The following MAPK8IP1 variants were observed in gnomAD, a reference collection of about 807,000 sequenced individuals.
MAPK8IP1 encodes the protein mitogen-activated protein kinase 8 interacting protein 1.
A neutral mutation model predicts 72.6 loss-of-function variants in MAPK8IP1; 17 were observed. The ratio of observed to expected loss-of-function variants is 0.23; its 90% confidence interval spans 0.16 to 0.35. The LOEUF is 0.35. Among genes scored for constraint, MAPK8IP1 ranks in the 10% least tolerant of loss-of-function variants. MAPK8IP1 has a pLI of 1.00. For synonymous variants in MAPK8IP1, 401 were observed against 443.4 expected, an observed-to-expected ratio of 0.90 and a Z score of 1.20; for missense variants, 789 against 1,009.7, an observed-to-expected ratio of 0.78 and a Z score of 2.96.
intron 3 of MAPK8IP1, among the ~76,000 whole-genome samples, chr11:45,901,249 G>A (rs1195974196): frequency 6.6e-6 from 1 of 152,084 alleles, no homozygotes; most frequent in Non-Finnish European, 1.5e-5. Context: ...AGGGGAGGGA[G>A]CCTCCGTGGA....
At position 45,904,860 on chromosome 11, in the gene MAPK8IP1, C is replaced by T. The variant is rs765758063; in HGVS notation, c.1893+26C>T. 1.9e-6 allele frequency: 3 copies of T among 1,611,242 alleles called. No homozygotes were observed. The South Asian group carries it at 3.3e-5, about 18-fold the overall frequency. ...GTGACTTCTTCCAACCCAGCCCCTTCCTTCCATGGCCCCAAGCTCTCCCCC... is the reference window on the plus strand; with the variant it reads ...GTGACTTCTTCCAACCCAGCCCCTTTCTTCCATGGCCCCAAGCTCTCCCCC... On this transcript the variant is annotated intron_variant, in intron 9 of 11. Coordinates refer to ENST00000241014, the MANE Select transcript of MAPK8IP1 (RefSeq NM_005456.4). This position sits in a 1 kb window ranked among gnomAD's most constrained non-coding sequence, Gnocchi z 6.4.
At chr11:45,894,471 A>G (rs1167422626) in intron 1 of MAPK8IP1, among the ~76,000 whole-genome samples, 1 of 151,752 alleles carries the variant, frequency 6.6e-6, no homozygotes. Context: ...GCCCAATTAA[A>G]GCCCAGTGCC....
intron 11 of MAPK8IP1, 39 bp downstream of exon 11, chr11:45,905,288 C>A: frequency 6.4e-7 from 1 of 1,564,230 alleles, no homozygotes; most frequent in Non-Finnish European, 8.8e-7. Context: ...CCCGAGGGAG[C>A]ACGCCCAATC....
In MAPK8IP1 at chr11:45,885,846, TG is replaced by T. The variant is rs1260253710; in HGVS notation, c.29del (p.Gly10GlufsTer87). 6 of 1,445,974 alleles carry T rather than the reference TG, an allele frequency of 4.1e-6. No individual in the cohort carries two copies. Among genetic ancestry groups the T allele is most frequent in the African/African-American group, 1.5e-5 (1 of 67,780 alleles). The allele number at this position is 1,445,974 out of a possible 1,614,324, so 89.6% of individuals were successfully genotyped here. A position where few individuals can be genotyped will look rare whatever the true frequency, so the allele number is the denominator to read the frequency against. On this transcript the variant is annotated frameshift_variant, in exon 1 of 12. Transcript: ENST00000241014. LOFTEE classifies it high-confidence loss of function. The stretch of plus-strand genomic sequence containing the variant: ...ATGGCGGAGCGAGAAAGCGGCGGCC[TG>T]GGAGGGGGGGCCGCGTCCCCGCCCG... MAERESGG[L>X]GGGAASPPAA... is the part of the protein sequence containing the mutation.
chr11:45,885,691 A>C lies in MAPK8IP1; in HGVS notation c.-130A>C. On this transcript the variant is annotated 5_prime_UTR_variant, in exon 1 of 12. Transcript: ENST00000241014. ...GCGCGGTGCTGTGCCGCGCCCTGCC[A>C]GACACAGGTGCGCCCGCCTAGCCCG... 2.4e-6 allele frequency: 1 copy of C among 417,004 alleles called. No homozygotes were observed. The allele number at this position is 417,004 out of a possible 1,614,324, so 25.8% of individuals were successfully genotyped here.
intron 2 of MAPK8IP1, among the ~76,000 whole-genome samples, chr11:45,899,628 G>A (rs567234275): frequency 1.0e-3 from 157 of 152,278 alleles, no homozygotes; most frequent in Middle Eastern, 0.01. Flanking sequence ...TTGGTTCCTG[G>A]CCCCCGCTCG....
At chr11:45,886,012 G>T in intron 1 of MAPK8IP1, 91 bp downstream of exon 1, 1 of 792,372 alleles carries the variant, frequency 1.3e-6, no homozygotes, top group Non-Finnish European at 1.8e-6. Context: ...AGAACCTCGG[G>T]AACCCGGGAA....
Position 45,905,804 on chromosome 11 carries a change from G to A in MAPK8IP1, c.*83G>A, listed in dbSNP as rs2086703831. On this transcript the variant is annotated 3_prime_UTR_variant, in exon 12 of 12. Coordinates refer to ENST00000241014, the MANE Select transcript of MAPK8IP1 (RefSeq NM_005456.4). ...CTGCTGACAGGATGTGGCACTGCTT[G>A]AGGAGGGGCACCTGCCACCGCCAGA... 4 of 1,360,740 alleles carry A rather than the reference G, an allele frequency of 2.9e-6. No homozygotes were observed. Among genetic ancestry groups the A allele is most frequent in the South Asian group, 1.2e-5 (1 of 86,190 alleles). The allele number at this position is 1,360,740 out of a possible 1,614,324, so 84.3% of individuals were successfully genotyped here.
intron 1 of MAPK8IP1, among the ~76,000 whole-genome samples, chr11:45,893,131 G>A (rs1590783151): frequency 6.6e-6 from 1 of 152,310 alleles, no homozygotes; most frequent in Non-Finnish European, 1.5e-5. Flanking sequence ...AATGACATCT[G>A]AACAGCCAAT....
intron 1 of MAPK8IP1, among the ~76,000 whole-genome samples, chr11:45,889,963 C>A (rs1408165248): frequency 6.6e-6 from 1 of 152,232 alleles, no homozygotes; most frequent in African/African-American, 2.4e-5. Context: ...GACAGACAGA[C>A]AGACGGCTTT....
intron 1 of MAPK8IP1, among the ~76,000 whole-genome samples, chr11:45,895,643 T>A (rs746112474): frequency 0.59 from 77,378 of 130,598 alleles, 27,430 homozygotes; most frequent in Non-Finnish European, 0.78. Flanking sequence ...AATATATATA[T>A]ATATATATAT....
chr11:45,905,668 T>A lies in MAPK8IP1; in HGVS notation c.2083T>A (p.Tyr695Asn), dbSNP rs1461597841. The A allele has an allele frequency of 1.9e-6, 3 of 1,613,816 alleles. No individual in the cohort carries two copies. The highest frequency in any genetic ancestry group is 2.5e-6 in the Non-Finnish European group (3 of 1,179,828). The change falls in exon 12 of 12, where the codon TAC becomes AAC. Residue 695 changes from tyrosine (Y) to asparagine (N), a missense_variant. Coordinates refer to ENST00000241014, the MANE Select transcript of MAPK8IP1 (RefSeq NM_005456.4). ...TTCTAGGAGAGCATTCCAGCAGTTC[T>A]ACAAGCAGTTTGTGGAGTACACCTG... is the stretch of plus-strand genomic sequence containing the variant. Reference protein sequence around the residue: ...ESVGRAFQQFYKQFVEYTCPT... With the variant: ...ESVGRAFQQFNKQFVEYTCPT...
chr11:45,892,548 A>T (rs1414454702), intron 1 of MAPK8IP1, among the ~76,000 whole-genome samples: 1 of 152,010 alleles, frequency 6.6e-6, no homozygotes, highest in African/African-American at 2.4e-5. Context: ...GCCAGGAGGG[A>T]CTCCGAGAGC....
intron 1 of MAPK8IP1, among the ~76,000 whole-genome samples, chr11:45,887,706 G>A (rs977764494): frequency 5.3e-5 from 8 of 152,134 alleles, no homozygotes; most frequent in Admixed American, 2.0e-4. Context: ...CCAGCTCTGC[G>A]GCATGTGGGA....
rs1054683411 is a variant in MAPK8IP1 at position 45,904,210 on chromosome 11, C to A, written c.1666+49C>A. The A allele has an allele frequency of 5.7e-6, 9 of 1,584,364 alleles. No individual in the cohort carries two copies. Among genetic ancestry groups the A allele is most frequent in the Admixed American group, 1.8e-5 (1 of 56,918 alleles). ...GCCCCCAGCCACCACATCTGTCTGC[C>A]CCAACTTGCTGCTAGGTGAACGTGT... On this transcript the variant is annotated intron_variant, in intron 7 of 11. Coordinates refer to ENST00000241014, the MANE Select transcript of MAPK8IP1 (RefSeq NM_005456.4). The surrounding 1 kb of genome is among the most constrained non-coding windows in gnomAD (Gnocchi z 6.4).
Position 45,885,817 on chromosome 11 carries a change from G to A in MAPK8IP1, c.-4G>A, listed in dbSNP as rs1334501678. Reference sequence around the variant, plus strand: ...CGCCCGGATGGCCAGGGCTGTGCCCGAGAATGGCGGAGCGAGAAAGCGGCG... The same window carrying A: ...CGCCCGGATGGCCAGGGCTGTGCCCAAGAATGGCGGAGCGAGAAAGCGGCG... On this transcript the variant is annotated 5_prime_UTR_variant, in exon 1 of 12. Transcript: ENST00000241014. 6.3e-6 allele frequency: 9 copies of A among 1,420,990 alleles called. No homozygotes were observed. The South Asian group carries it at 8.7e-5, about 14-fold the overall frequency. The allele number at this position is 1,420,990 out of a possible 1,614,324, so 88.0% of individuals were successfully genotyped here.
intron 2 of MAPK8IP1, among the ~76,000 whole-genome samples, chr11:45,899,862 CGGCCGTTGCCA>C (rs1337781687): frequency 6.6e-6 from 1 of 152,194 alleles, no homozygotes; most frequent in Non-Finnish European, 1.5e-5. Context: ...GTGAGGTCAC[CGGCCGTTGCCA>C]GGGGAACGGG....
At position 45,900,182 on chromosome 11, in the gene MAPK8IP1, G is replaced by T. The variant is rs947187434; in HGVS notation, c.252G>T (p.Gly84=). The change falls in exon 3 of 12, where the codon GGG becomes GGT. Residue 84 remains glycine (G), a synonymous_variant. Transcript: ENST00000241014. The surrounding 1 kb of genome is among the most constrained non-coding windows in gnomAD (Gnocchi z 6.5). ...GLLSAGGGGA[G]SRLQAEMLQM... Reference sequence around the variant, plus strand: ...TCTCTGCGGGCGGCGGCGGCGCGGGGAGCCGGTTGCAGGCCGAGATGCTGC... The same window carrying T: ...TCTCTGCGGGCGGCGGCGGCGCGGGTAGCCGGTTGCAGGCCGAGATGCTGC... The T allele has an allele frequency of 1.5e-6, 2 of 1,315,008 alleles. No homozygotes were observed. The highest frequency in any genetic ancestry group is 1.9e-6 in the Non-Finnish European group (2 of 1,039,346). The allele number at this position is 1,315,008 out of a possible 1,614,324, so 81.5% of individuals were successfully genotyped here. A position where few individuals can be genotyped will look rare whatever the true frequency, so the allele number is the denominator to read the frequency against.
At chr11:45,905,380 AGTGCGGGT>A in intron 11 of MAPK8IP1, 131 bp downstream of exon 11, 1 of 920,694 alleles carries the variant, frequency 1.1e-6, no homozygotes, top group Non-Finnish European at 1.7e-6. Context: ...TCCGGACCCC[AGTGCGGGT>A]GGCCTGGAGG....
Sources: allele counts gnomAD v4.1 joint callset (sites outside exome capture counted in the v4.1 genomes callset), GRCh38; gene constraint gnomAD v4.1.1; non-coding constraint Gnocchi (gnomAD v3.1); transcripts MANE v1.5; gene names NCBI Gene and HGNC (gene_info 2026-07-23, HGNC 2026-07-21).